The following CNTNAP2 variants were observed in gnomAD, a reference collection of about 807,000 sequenced individuals.
The protein encoded by CNTNAP2 is contactin-associated protein-like 2.
A neutral mutation model predicts 155.2 loss-of-function variants in CNTNAP2; 98 were observed. The observed-to-expected ratio is 0.63, with a 90% CI of 0.54 to 0.75. The LOEUF (loss-of-function observed/expected upper bound fraction) is 0.75, where lower values mean the gene tolerates loss of function less well. CNTNAP2 is among the 30% of genes least tolerant of loss of function. The pLI is 0.00. For missense variants in CNTNAP2, 1,727 were observed against 1,688.1 expected (o/e 1.02, Z -0.40); for synonymous variants, 651 against 631.2 (o/e 1.03, Z -0.47).
At chr7:146,713,856 T>C (rs1327720624) in intron 1 of CNTNAP2, among the ~76,000 whole-genome samples, 2 of 152,142 alleles carry the variant, frequency 1.3e-5, no homozygotes, top group Non-Finnish European at 2.9e-5. Context: ...TCTATTTATG[T>C]CATCACCTCC....
intron 1 of CNTNAP2, among the ~76,000 whole-genome samples, chr7:146,252,653 T>C (rs933031704): frequency 2.6e-5 from 4 of 152,120 alleles, no homozygotes; most frequent in Admixed American, 1.3e-4. Flanking sequence ...TAGAAAACAT[T>C]TTCTTCAAAA....
chr7:148,007,918 A>G (rs147288930), intron 15 of CNTNAP2, among the ~76,000 whole-genome samples: 73 of 152,306 alleles, frequency 4.8e-4, no homozygotes, highest in African/African-American at 1.7e-3. Context: ...GCCACCAAAG[A>G]TGTCCACATC....
At chr7:146,500,233 G>GATTATGTCATCTGAGAATA (rs1563108736) in intron 1 of CNTNAP2, among the ~76,000 whole-genome samples, 46 of 152,160 alleles carry the variant, frequency 3.0e-4, no homozygotes, top group African/African-American at 8.7e-4. Flanking sequence ...TACCAACACA[G>GATTATGTCATCTGAGAATA]GGGTTCGGGC....
chr7:147,361,930 G>A (rs751161314), intron 9 of CNTNAP2, among the ~76,000 whole-genome samples: 6 of 152,146 alleles, frequency 3.9e-5, no homozygotes, highest in Non-Finnish European at 5.9e-5. Context: ...AAATTCTCAA[G>A]AGCTGGAGCT....
At chr7:146,774,206 C>A in intron 1 of CNTNAP2, 65 bp from the exon 2 acceptor site, 1 of 1,138,424 alleles carries the variant, frequency 8.8e-7, no homozygotes, top group South Asian at 1.3e-5. Context: ...TTAACCAACA[C>A]ATACCAATCG....
At chr7:146,572,680 T>C (rs1435157026) in intron 1 of CNTNAP2, among the ~76,000 whole-genome samples, 1 of 152,144 alleles carries the variant, frequency 6.6e-6, no homozygotes, top group African/African-American at 2.4e-5. Context: ...GTCAAAACTA[T>C]AATGGCACTA....
intron 1 of CNTNAP2, among the ~76,000 whole-genome samples, chr7:146,371,935 G>A (rs982471365): frequency 6.7e-6 from 1 of 150,014 alleles, no homozygotes; most frequent in Non-Finnish European, 1.5e-5. Flanking sequence ...CTCCAGCCTG[G>A]GCGACAGAGT....
intron 12 of CNTNAP2, among the ~76,000 whole-genome samples, chr7:147,581,936 A>T (rs1265648923): frequency 6.6e-6 from 1 of 152,164 alleles, no homozygotes; most frequent in Non-Finnish European, 1.5e-5. Context: ...ATGGAATGTA[A>T]TGTGAGATTA....
chr7:147,051,838 C>A (rs1274726416), intron 4 of CNTNAP2, among the ~76,000 whole-genome samples: 9 of 151,864 alleles, frequency 5.9e-5, no homozygotes, highest in Non-Finnish European at 8.8e-5. Flanking sequence ...CAAATCTGAC[C>A]ATATTACATC....
At chr7:146,428,881 G>A (rs1584921120) in intron 1 of CNTNAP2, among the ~76,000 whole-genome samples, 2 of 151,874 alleles carry the variant, frequency 1.3e-5, no homozygotes, top group South Asian at 4.1e-4. Flanking sequence ...GTTATAGTTT[G>A]GGGTCTTATA....
chr7:148,031,742 T>G (rs1452601507), intron 15 of CNTNAP2, among the ~76,000 whole-genome samples: 1 of 152,180 alleles, frequency 6.6e-6, no homozygotes, highest in Admixed American at 6.5e-5. Flanking sequence ...TATTTCCATG[T>G]GCCGAATTTA....
chr7:146,577,099 A>G (rs1212147591), intron 1 of CNTNAP2, among the ~76,000 whole-genome samples: 2 of 152,164 alleles, frequency 1.3e-5, no homozygotes, highest in Admixed American at 1.3e-4. Flanking sequence ...AGCCTAATAT[A>G]ATAAATTCTT....
intron 1 of CNTNAP2, among the ~76,000 whole-genome samples, chr7:146,355,160 T>G (rs1794979541): frequency 7.9e-5 from 12 of 152,240 alleles, no homozygotes; most frequent in Admixed American, 7.9e-4. Context: ...TCTTGTGGAC[T>G]GTTTTTCTTT....
At chr7:146,950,801 A>G (rs1797296146) in intron 3 of CNTNAP2, among the ~76,000 whole-genome samples, 3 of 152,124 alleles carry the variant, frequency 2.0e-5, no homozygotes, top group African/African-American at 7.2e-5. Context: ...TCCTTTGGGC[A>G]TATACCTAGT....
intron 21 of CNTNAP2, among the ~76,000 whole-genome samples, chr7:148,345,125 C>A (rs1798298484): frequency 2.0e-5 from 3 of 151,998 alleles, no homozygotes; most frequent in Admixed American, 2.0e-4. Context: ...GGACGTTTAG[C>A]CTGAAGGAGA....
chr7:146,455,183 T>G (rs1796538828), intron 1 of CNTNAP2, among the ~76,000 whole-genome samples: 1 of 152,204 alleles, frequency 6.6e-6, no homozygotes, highest in African/African-American at 2.4e-5. Flanking sequence ...AACATTGCCC[T>G]AGATGTAAAT....
At chr7:148,332,585 G>A (rs1361410534) in intron 21 of CNTNAP2, among the ~76,000 whole-genome samples, 1 of 152,194 alleles carries the variant, frequency 6.6e-6, no homozygotes, top group Non-Finnish European at 1.5e-5. Context: ...GACTTAGCTA[G>A]TAGCCAAATA....
At chr7:146,246,057 T>A (rs1187182382) in intron 1 of CNTNAP2, among the ~76,000 whole-genome samples, 1 of 151,834 alleles carries the variant, frequency 6.6e-6, no homozygotes, top group African/African-American at 2.4e-5. Flanking sequence ...TTTATAGGCT[T>A]TAAAAGGCCA....
intron 1 of CNTNAP2, among the ~76,000 whole-genome samples, chr7:146,249,167 A>T (rs1025766533): frequency 1.3e-5 from 2 of 152,096 alleles, no homozygotes; most frequent in African/African-American, 4.8e-5. Context: ...GGCCATCTGG[A>T]TGTGTACGTG....
Sources: gnomAD v4.1 joint callset for allele counts (sites outside exome capture counted in the v4.1 genomes callset) on GRCh38, gnomAD v4.1.1 for gene constraint, MANE v1.5 for transcripts, NCBI Gene and HGNC (gene_info 2026-07-23, HGNC 2026-07-21) for gene names.